Variants in SDK1 observed in about 807,000 individuals in gnomAD.
SDK1 encodes the protein protein sidekick-1.
A neutral mutation model predicts 245.5 loss-of-function variants in SDK1; 157 were observed. The observed-to-expected ratio is 0.64, with a 90% CI of 0.56 to 0.73. The LOEUF is 0.73. Ranked by LOEUF, SDK1 falls within the 30% of genes least tolerant of loss-of-function variation. The pLI, the probability that SDK1 is intolerant of heterozygous loss-of-function variation, is 0.00. For synonymous variants in SDK1, 1,647 were observed against 1,278.5 expected, an observed-to-expected ratio of 1.29 and a Z score of -6.15; for missense variants, 3,583 against 3,002.3, an observed-to-expected ratio of 1.19 and a Z score of -4.52.
intron 1 of SDK1, among the ~76,000 whole-genome samples, chr7:3,352,779 TTC>T (rs1780694469): frequency 6.6e-6 from 1 of 152,126 alleles, no homozygotes; most frequent in Admixed American, 6.5e-5. Flanking sequence ...TTTTTTTCTC[TTC>T]TCTTTTCACA....
intron 17 of SDK1, among the ~76,000 whole-genome samples, chr7:4,025,589 C>T (rs775787168): frequency 3.5e-4 from 53 of 152,340 alleles, no homozygotes; most frequent in Admixed American, 1.4e-3. Context: ...GTCTTTCCTG[C>T]TAGCCTAGGA....
intron 1 of SDK1, among the ~76,000 whole-genome samples, chr7:3,503,394 T>C (rs1782279217): frequency 1.3e-5 from 2 of 152,166 alleles, no homozygotes; most frequent in African/African-American, 2.4e-5. Flanking sequence ...AGAAAACAAC[T>C]TCAGGTGGGG....
At chr7:3,803,391 A>T (rs557156043) in intron 4 of SDK1, among the ~76,000 whole-genome samples, 17 of 150,490 alleles carry the variant, frequency 1.1e-4, no homozygotes, top group Non-Finnish European at 3.0e-5. Flanking sequence ...GCTCACTGCA[A>T]CCTCCACCTC....
chr7:4,114,411 C>T (rs145874857), intron 25 of SDK1, 137 bp downstream of exon 25: 59 of 699,698 alleles, frequency 8.4e-5, no homozygotes, highest in Middle Eastern at 8.2e-4. Flanking sequence ...TTCCTAATCC[C>T]GGGTTTGGCC....
chr7:3,709,562 C>G (rs931885223), intron 4 of SDK1, among the ~76,000 whole-genome samples: 1 of 152,196 alleles, frequency 6.6e-6, no homozygotes, highest in African/African-American at 2.4e-5. Context: ...TTCAAAGGGT[C>G]TGTGGTTTCT....
chr7:3,635,411 T>G (rs111511185), intron 2 of SDK1, among the ~76,000 whole-genome samples: 2,311 of 152,380 alleles, frequency 0.015, 71 homozygotes, highest in African/African-American at 0.053. Context: ...CTTAAAATTA[T>G]GCCTATCAGT....
chr7:3,567,935 G>C (rs12539904), intron 1 of SDK1, among the ~76,000 whole-genome samples: 5 of 152,160 alleles, frequency 3.3e-5, no homozygotes, highest in Admixed American at 1.3e-4. Flanking sequence ...TCCCACCTCA[G>C]CCTCCTGAGT....
chr7:3,801,883 A>C (rs747351835), intron 4 of SDK1, among the ~76,000 whole-genome samples: 3 of 152,216 alleles, frequency 2.0e-5, no homozygotes, highest in Non-Finnish European at 4.4e-5. Context: ...TGTCTCCCTG[A>C]AAACTCCAGT....
At chr7:3,616,938 G>T (rs1781791081) in intron 1 of SDK1, among the ~76,000 whole-genome samples, 2 of 152,154 alleles carry the variant, frequency 1.3e-5, no homozygotes, top group African/African-American at 4.8e-5. Context: ...CCGTATTAAG[G>T]AAATATGTGA....
At chr7:3,640,060 T>C (rs915843721) in intron 3 of SDK1, among the ~76,000 whole-genome samples, 8 of 151,684 alleles carry the variant, frequency 5.3e-5, no homozygotes, top group African/African-American at 1.9e-4. Flanking sequence ...TCGCACTGCA[T>C]TGCCCAGGTT....
intron 4 of SDK1, among the ~76,000 whole-genome samples, chr7:3,717,521 A>C (rs1238341045): frequency 2.6e-5 from 4 of 152,210 alleles, no homozygotes; most frequent in Admixed American, 2.0e-4. Flanking sequence ...GCTCCCACCT[A>C]AGAACCTAGA....
intron 5 of SDK1, among the ~76,000 whole-genome samples, chr7:3,831,765 A>G (rs1216882700): frequency 6.6e-6 from 1 of 152,094 alleles, no homozygotes; most frequent in Non-Finnish European, 1.5e-5. Context: ...TTAAAAAAAA[A>G]ATTAATCACC....
chr7:4,034,453 G>C (rs1583893886), intron 17 of SDK1, among the ~76,000 whole-genome samples: 1 of 152,218 alleles, frequency 6.6e-6, no homozygotes, highest in African/African-American at 2.4e-5. Context: ...TGGGCCTCAT[G>C]TTAGCAGCTC....
chr7:3,614,409 C>G (rs531461488), intron 1 of SDK1, among the ~76,000 whole-genome samples: 3 of 152,170 alleles, frequency 2.0e-5, no homozygotes, highest in Non-Finnish European at 4.4e-5. Flanking sequence ...TTGAAATACA[C>G]ACACACCCTT....
chr7:4,207,650 A>C (rs1284320557), intron 36 of SDK1, among the ~76,000 whole-genome samples: 1 of 152,078 alleles, frequency 6.6e-6, no homozygotes, highest in Non-Finnish European at 1.5e-5. Flanking sequence ...TGTTGTCTCC[A>C]TAGCTCGGAG....
chr7:3,575,155 G>A (rs1170754857), intron 1 of SDK1, among the ~76,000 whole-genome samples: 1 of 152,056 alleles, frequency 6.6e-6, no homozygotes, highest in Non-Finnish European at 1.5e-5. Context: ...GGAAATCAGA[G>A]TTCAAAGTGC....
intron 4 of SDK1, among the ~76,000 whole-genome samples, chr7:3,777,858 A>G (rs1490827913): frequency 6.6e-6 from 1 of 152,220 alleles, no homozygotes; most frequent in African/African-American, 2.4e-5. Flanking sequence ...GTTGCTAAAA[A>G]ATATAGGTCA....
chr7:3,548,042 T>C (rs921502557), intron 1 of SDK1, among the ~76,000 whole-genome samples: 3 of 152,218 alleles, frequency 2.0e-5, no homozygotes, highest in Non-Finnish European at 4.4e-5. Flanking sequence ...ATCCAAGAAT[T>C]TGTCTCCCCA....
chr7:3,827,376 G>T (rs535089892), intron 5 of SDK1, among the ~76,000 whole-genome samples: 1 of 151,960 alleles, frequency 6.6e-6, no homozygotes, highest in Non-Finnish European at 1.5e-5. Context: ...TTCCGAACGA[G>T]ATGGAAGGCT....
Sources: allele counts gnomAD v4.1 joint callset (sites outside exome capture counted in the v4.1 genomes callset), GRCh38; gene constraint gnomAD v4.1.1; transcripts MANE v1.5; gene names NCBI Gene and HGNC (gene_info 2026-07-23, HGNC 2026-07-21).